Variants in FKTN observed in about 807,000 individuals in gnomAD.
FKTN encodes the protein fukutin, also known as ribitol-5-phosphate transferase FKTN.
FKTN carries 47 observed loss-of-function variants against 58.6 expected under a neutral mutation model. That is an observed-to-expected ratio of 0.80 (90% CI 0.63 to 1.02). The LOEUF is 1.02. Among genes scored for constraint, FKTN ranks in the 50% least tolerant of loss-of-function variants. The pLI, the probability that FKTN is intolerant of heterozygous loss-of-function variation, is 0.00. For synonymous variants in FKTN, 178 were observed against 191.9 expected (o/e 0.93, Z 0.60); for missense variants, 516 against 537.3 (o/e 0.96, Z 0.39).
chr9:105,595,163 G>C (rs1826534575), intron 3 of FKTN, among the ~76,000 whole-genome samples: 1 of 152,068 alleles, frequency 6.6e-6, no homozygotes, highest in African/African-American at 2.4e-5. Context: ...TTATGATTGG[G>C]GCTGAGTGGA....
chr9:105,561,471 G>C (rs1247770599), intron 1 of FKTN, among the ~76,000 whole-genome samples: 1 of 151,914 alleles, frequency 6.6e-6, no homozygotes, highest in East Asian at 1.9e-4. Flanking sequence ...AAAAATAAAA[G>C]CACCTACACT....
At chr9:105,614,980 TTCAAGTGATTCTCTTGCC>T (rs1310757993) in intron 7 of FKTN, among the ~76,000 whole-genome samples, 8 of 151,764 alleles carry the variant, frequency 5.3e-5, no homozygotes, top group Non-Finnish European at 1.5e-5. Flanking sequence ...ACCTCCCGGG[TTCAAGTGATTCTCTTGCC>T]TCAACCTCTC....
Position 105,639,804 on chromosome 9 carries a change from A to T in FKTN, c.*4540A>T. ...GGTTAAGCAGTTGTCTCCTAATATTATCCCATATGCTACCTAGTTTGCTGG... is the reference window on the plus strand; with the variant it reads ...GGTTAAGCAGTTGTCTCCTAATATTTTCCCATATGCTACCTAGTTTGCTGG... On this transcript the variant is annotated 3_prime_UTR_variant, in exon 11 of 11. Transcript: ENST00000357998. The T allele has an allele frequency of 8.4e-7, 1 of 1,196,748 alleles. No homozygotes were observed. The highest frequency in any genetic ancestry group is 1.0e-6 in the Non-Finnish European group (1 of 963,344). 74.1% of individuals were successfully genotyped at this position (1,196,748 alleles called of 1,614,324 possible).
intron 8 of FKTN, 146 bp downstream of exon 8, chr9:105,615,553 T>C: frequency 1.3e-6 from 1 of 764,890 alleles, no homozygotes; most frequent in Non-Finnish European, 2.3e-6. Flanking sequence ...AGCAAGGATC[T>C]ATTGATTTCC....
At position 105,638,972 on chromosome 9, in the gene FKTN, C is replaced by CG. The variant is rs1834244718; in HGVS notation, c.*3708_*3709insG. The stretch of plus-strand genomic sequence containing the variant: ...GGAAAACACATTTGGAATGAGCTTC[C>CG]ACACTTCAGTCTAAAATCTCACCCA... On this transcript the variant is annotated 3_prime_UTR_variant, in exon 11 of 11. Coordinates refer to ENST00000357998, the MANE Select transcript of FKTN (RefSeq NM_001079802.2). The CG allele has an allele frequency of 3.0e-6, 3 of 985,140 alleles. No individual in the cohort carries two copies. The highest frequency in any genetic ancestry group is 3.6e-6 in the Non-Finnish European group (3 of 829,726). 61.0% of individuals were successfully genotyped at this position (985,140 alleles called of 1,614,324 possible). A position where few individuals can be genotyped will look rare whatever the true frequency, so the allele number is the denominator to read the frequency against.
At position 105,608,080 on chromosome 9, in the gene FKTN, T is replaced by C. The variant is rs67092499; in HGVS notation, c.780+129T>C. Reference sequence around the variant, plus strand: ...TAAACATCCTTTTTTGATATGTCTCTTTTCTTCTAGATTGTTTTCTTTCAG... The same window carrying C: ...TAAACATCCTTTTTTGATATGTCTCCTTTCTTCTAGATTGTTTTCTTTCAG... On this transcript the variant is annotated intron_variant, in intron 7 of 10. Coordinates refer to ENST00000357998, the MANE Select transcript of FKTN (RefSeq NM_001079802.2). 0.081 allele frequency: 59,997 copies of C among 741,464 alleles called. 3,495 individuals are homozygous for C. Among genetic ancestry groups the C allele is most frequent in the African/African-American group, 0.24 (13,171 of 55,230 alleles). The allele number at this position is 741,464 out of a possible 1,614,324, so 45.9% of individuals were successfully genotyped here. A position where few individuals can be genotyped will look rare whatever the true frequency, so the allele number is the denominator to read the frequency against.
At chr9:105,603,497 C>T (rs1029269075) in intron 5 of FKTN, among the ~76,000 whole-genome samples, 2 of 152,094 alleles carry the variant, frequency 1.3e-5, no homozygotes, top group African/African-American at 2.4e-5. Context: ...GATGAAAGAA[C>T]TACTTTTTTG....
intron 3 of FKTN, among the ~76,000 whole-genome samples, chr9:105,593,094 G>A (rs911354839): frequency 1.3e-5 from 2 of 152,178 alleles, no homozygotes; most frequent in Non-Finnish European, 2.9e-5. Flanking sequence ...AAGTTTAATT[G>A]TCTCATTGTT....
intron 3 of FKTN, among the ~76,000 whole-genome samples, chr9:105,595,085 G>C (rs1361715004): frequency 6.6e-6 from 1 of 152,088 alleles, no homozygotes; most frequent in Non-Finnish European, 1.5e-5. Flanking sequence ...GATGTAAAAG[G>C]CCACATATAT....
At chr9:105,630,779 C>T (rs933022998) in intron 10 of FKTN, among the ~76,000 whole-genome samples, 5 of 152,082 alleles carry the variant, frequency 3.3e-5, no homozygotes, top group African/African-American at 1.2e-4. Flanking sequence ...ATGACATTAA[C>T]ATTTTTTGAT....
chr9:105,567,929 G>A (rs1839987985), intron 1 of FKTN, among the ~76,000 whole-genome samples: 2 of 152,152 alleles, frequency 1.3e-5, no homozygotes, highest in Admixed American at 6.6e-5. Flanking sequence ...GCATGGTACT[G>A]GTACCAAAAC....
intron 3 of FKTN, among the ~76,000 whole-genome samples, chr9:105,585,935 G>T (rs1017678878): frequency 1.3e-5 from 2 of 152,170 alleles, no homozygotes; most frequent in African/African-American, 4.8e-5. Context: ...GAGATTATGT[G>T]TTAGAGATAG....
rs538086095 is a variant in FKTN at position 105,637,856 on chromosome 9, T to C, written c.*2592T>C. The C allele has an allele frequency of 4.3e-4, 421 of 985,372 alleles. 3 individuals carry two copies. In the African/African-American group the frequency reaches 6.6e-3, roughly 16 times the overall value. The allele number at this position is 985,372 out of a possible 1,614,324, so 61.0% of individuals were successfully genotyped here. A position where few individuals can be genotyped will look rare whatever the true frequency, so the allele number is the denominator to read the frequency against. ...CTCTCCTCTGCTGCAGCTACTGATATCTGGCCCCTGGAATAAAACCATAGT... is the reference window on the plus strand; with the variant it reads ...CTCTCCTCTGCTGCAGCTACTGATACCTGGCCCCTGGAATAAAACCATAGT... On this transcript the variant is annotated 3_prime_UTR_variant, in exon 11 of 11. Transcript: ENST00000357998.
intron 10 of FKTN, among the ~76,000 whole-genome samples, chr9:105,620,401 T>A (rs1001974636): frequency 1.3e-5 from 2 of 152,206 alleles, no homozygotes; most frequent in African/African-American, 2.4e-5. Context: ...CCCTAATTTG[T>A]GGCCTTTAGA....
At position 105,640,683 on chromosome 9, in the gene FKTN, T is replaced by G. The variant is rs557930739; in HGVS notation, c.*5419T>G. 1.3e-5 allele frequency: 2 copies of G among 152,276 alleles called. No individual in the cohort carries two copies. The highest frequency in any genetic ancestry group is 4.8e-5 in the African/African-American group (2 of 41,558). 9.4% of individuals were successfully genotyped at this position (152,276 alleles called of 1,614,324 possible). ...TTGTAGGGACCCATTAACAAGCTCC[T>G]ATATAATTATAAGCAGCTCTCACAG... is the stretch of plus-strand genomic sequence containing the variant. On this transcript the variant is annotated 3_prime_UTR_variant, in exon 11 of 11. Coordinates refer to ENST00000357998, the MANE Select transcript of FKTN (RefSeq NM_001079802.2).
intron 1 of FKTN, among the ~76,000 whole-genome samples, chr9:105,569,959 T>G (rs998524097): frequency 7.9e-5 from 12 of 152,128 alleles, no homozygotes; most frequent in African/African-American, 2.2e-4. Flanking sequence ...CTATCCTCCC[T>G]AGTGTTTTTA....
rs114460493 is a variant in FKTN, at chr9:105,611,601, G to A, written c.780+3650G>A. Among the ~76,000 whole-genome samples the A allele has an allele frequency of 7.8e-3, 1,180 of 152,134 alleles. 18 individuals are homozygous for A. Among genetic ancestry groups the A allele is most frequent in the African/African-American group, 0.027 (1,102 of 41,468 alleles). Reference sequence around the variant, plus strand: ...CACTTATAAAAACATGAAGTATTAGGTTTTCTGTTCCTGTGTTAGTTTGCT... The same window carrying A: ...CACTTATAAAAACATGAAGTATTAGATTTTCTGTTCCTGTGTTAGTTTGCT... On this transcript the variant is annotated intron_variant, in intron 7 of 10. Coordinates refer to ENST00000357998, the MANE Select transcript of FKTN (RefSeq NM_001079802.2).
At position 105,575,786 on chromosome 9, in the gene FKTN, C is replaced by T. The variant is rs1841562265; in HGVS notation, c.105+649C>T. Among the ~76,000 whole-genome samples, 3 of 152,192 alleles carry T rather than the reference C, an allele frequency of 2.0e-5. No individual in the cohort carries two copies. In the South Asian group the frequency reaches 6.2e-4, roughly 32 times the overall value. ...TTTTTTTTGTTTTTATGTTTTTATC[C>T]TCATGTCTTAATTAGAACTATTCAT... On this transcript the variant is annotated intron_variant, in intron 3 of 10. Coordinates refer to ENST00000357998, the MANE Select transcript of FKTN (RefSeq NM_001079802.2).
intron 10 of FKTN, among the ~76,000 whole-genome samples, chr9:105,634,649 A>T (rs1833868745): frequency 6.6e-6 from 1 of 152,188 alleles, no homozygotes; most frequent in African/African-American, 2.4e-5. Context: ...ATCCTTGGAA[A>T]ATCCAGATTG....
Sources: gnomAD v4.1 joint callset for allele counts (sites outside exome capture counted in the v4.1 genomes callset) on GRCh38, gnomAD v4.1.1 for gene constraint, MANE v1.5 for transcripts, NCBI Gene and HGNC (gene_info 2026-07-23, HGNC 2026-07-21) for gene names.